The following TEC variants were observed in gnomAD, a reference collection of about 807,000 sequenced individuals.
The protein encoded by TEC is tec protein tyrosine kinase, also known as tyrosine-protein kinase Tec.
TEC carries 72 observed loss-of-function variants against 93.0 expected under a neutral mutation model. The ratio of observed to expected loss-of-function variants is 0.77; its 90% CI spans 0.64 to 0.94. The LOEUF (loss-of-function observed/expected upper bound fraction) is 0.94, where lower values mean the gene tolerates loss of function less well. TEC is among the 40% of genes least tolerant of loss of function. The pLI, the probability that TEC is intolerant of heterozygous loss-of-function variation, is 0.00. For synonymous variants in TEC, 249 were observed against 247.7 expected (o/e 1.01, Z -0.05); for missense variants, 630 against 757.9 (o/e 0.83, Z 1.98).
At chr4:48,245,167 T>C (rs1335929156) in intron 1 of TEC, among the ~76,000 whole-genome samples, 2 of 151,748 alleles carry the variant, frequency 1.3e-5, no homozygotes, top group Admixed American at 6.6e-5. Context: ...GTGGTGCGTG[T>C]CTGTAATCCC....
chr4:48,223,395 G>A (rs1723329023), intron 2 of TEC, among the ~76,000 whole-genome samples: 1 of 151,940 alleles, frequency 6.6e-6, no homozygotes, highest in Admixed American at 6.6e-5. Flanking sequence ...GGAATATCAA[G>A]ATTATTTCAA....
At chr4:48,251,077 A>G (rs1200085806) in intron 1 of TEC, among the ~76,000 whole-genome samples, 1 of 152,170 alleles carries the variant, frequency 6.6e-6, no homozygotes, top group Non-Finnish European at 1.5e-5. Context: ...AAAAACATAA[A>G]TCAGTCTATG....
At chr4:48,151,340 A>AT (rs1182012594) in intron 9 of TEC, among the ~76,000 whole-genome samples, 4 of 152,170 alleles carry the variant, frequency 2.6e-5, no homozygotes, top group East Asian at 3.8e-4. Flanking sequence ...CATTTCATAC[A>AT]TTTTTTGTAT....
chr4:48,179,618 A>G (rs1466762663), intron 2 of TEC, among the ~76,000 whole-genome samples: 2 of 151,588 alleles, frequency 1.3e-5, no homozygotes, highest in East Asian at 3.9e-4. Flanking sequence ...CAAACTCCTG[A>G]CCTCAGGTAA....
chr4:48,209,117 A>T (rs1479760864), intron 2 of TEC, among the ~76,000 whole-genome samples: 1 of 152,240 alleles, frequency 6.6e-6, no homozygotes, highest in Non-Finnish European at 1.5e-5. Flanking sequence ...CACACAGCTT[A>T]TAACTTTCTC....
At chr4:48,246,597 G>T (rs575270937) in intron 1 of TEC, among the ~76,000 whole-genome samples, 80 of 152,178 alleles carry the variant, frequency 5.3e-4, no homozygotes, top group African/African-American at 1.8e-3. Context: ...AGAATTAAGG[G>T]TCCAGAAATA....
chr4:48,138,741 G>A lies in TEC; in HGVS notation c.1736C>T (p.Thr579Ile), dbSNP rs1478808162. The A allele has an allele frequency of 1.9e-6, 3 of 1,614,164 alleles. No homozygotes were observed. Among genetic ancestry groups the A allele is most frequent in the Non-Finnish European group, 2.5e-6 (3 of 1,180,026 alleles). The change falls in exon 17 of 18, where the codon ACT (threonine) becomes ATT (isoleucine). Residue 579 changes from threonine (T) to isoleucine (I), a missense_variant. Transcript: ENST00000381501. Reference sequence around the variant, plus strand: ...CGGCTGGTAGAGTCGGTGGCCTCGAGTAACCATGGTTACCACTTCATAATT... The same window carrying A: ...CGGCTGGTAGAGTCGGTGGCCTCGAATAACCATGGTTACCACTTCATAATT... ...YTNYEVVTMVTRGHRLYQPKL... is the reference protein window; with the variant it reads ...YTNYEVVTMVIRGHRLYQPKL...
At chr4:48,193,005 G>A (rs1722144629) in intron 2 of TEC, among the ~76,000 whole-genome samples, 1 of 152,062 alleles carries the variant, frequency 6.6e-6, no homozygotes, top group African/African-American at 2.4e-5. Context: ...GCACCTAGCA[G>A]GTGCCCAATA....
At chr4:48,258,420 A>G (rs1460434258) in intron 1 of TEC, among the ~76,000 whole-genome samples, 1 of 152,138 alleles carries the variant, frequency 6.6e-6, no homozygotes, top group Non-Finnish European at 1.5e-5. Flanking sequence ...TGGGATAACA[A>G]GAGAGCCACT....
chr4:48,190,393 TC>T, intron 2 of TEC, among the ~76,000 whole-genome samples: 1 of 152,320 alleles, frequency 6.6e-6, no homozygotes, highest in South Asian at 2.1e-4. Context: ...AAAATGATCT[TC>T]CCAGGTTCAC....
chr4:48,168,041 CAGAATAAACT>C, intron 6 of TEC, 88 bp from the exon 7 acceptor site: 1 of 1,190,354 alleles, frequency 8.4e-7, no homozygotes, highest in Non-Finnish European at 1.2e-6. Flanking sequence ...TACATCACCA[CAGAATAAACT>C]AGAAACTTCA....
intron 2 of TEC, among the ~76,000 whole-genome samples, chr4:48,202,755 G>A (rs1029564422): frequency 1.3e-5 from 2 of 152,162 alleles, no homozygotes; most frequent in African/African-American, 4.8e-5. Flanking sequence ...GGAAACTGAG[G>A]AAGAAAGTGG....
At chr4:48,162,358 C>T (rs540055489) in intron 8 of TEC, among the ~76,000 whole-genome samples, 2 of 152,116 alleles carry the variant, frequency 1.3e-5, no homozygotes, top group African/African-American at 2.4e-5. Context: ...TTGAAACACT[C>T]GAGGCCATGA....
At chr4:48,257,455 CAA>C (rs60088458) in intron 1 of TEC, among the ~76,000 whole-genome samples, 83,192 of 151,682 alleles carry the variant, frequency 0.55, 23,030 homozygotes, top group East Asian at 0.68. Flanking sequence ...GAAAATATGA[CAA>C]AGAGAGGAGA....
At chr4:48,252,414 T>A (rs951037267) in intron 1 of TEC, among the ~76,000 whole-genome samples, 2 of 152,178 alleles carry the variant, frequency 1.3e-5, no homozygotes, top group African/African-American at 2.4e-5. Flanking sequence ...TTCAAGCATT[T>A]CAAGTTGTCC....
intron 2 of TEC, among the ~76,000 whole-genome samples, chr4:48,202,337 GAGC>G (rs1444408790): frequency 6.6e-6 from 1 of 152,064 alleles, no homozygotes; most frequent in Non-Finnish European, 1.5e-5. Flanking sequence ...AGGCTGAGGT[GAGC>G]AGATCACTTG....
intron 2 of TEC, among the ~76,000 whole-genome samples, chr4:48,180,695 G>C (rs889790446): frequency 6.6e-6 from 1 of 152,168 alleles, no homozygotes; most frequent in African/African-American, 2.4e-5. Flanking sequence ...TGCTTTAGGA[G>C]GCTTGTAGGG....
At chr4:48,195,263 G>A (rs1286037477) in intron 2 of TEC, among the ~76,000 whole-genome samples, 2 of 152,208 alleles carry the variant, frequency 1.3e-5, no homozygotes. Context: ...TGTTCAGTAA[G>A]TTGTAAATAT....
chr4:48,254,383 G>A (rs752895199), intron 1 of TEC, among the ~76,000 whole-genome samples: 56 of 152,240 alleles, frequency 3.7e-4, no homozygotes, highest in Non-Finnish European at 6.6e-4. Flanking sequence ...GTAGGCTACA[G>A]CAGAGAGAGC....
Sources: gnomAD v4.1 joint callset for allele counts (sites outside exome capture counted in the v4.1 genomes callset) on GRCh38, gnomAD v4.1.1 for gene constraint, MANE v1.5 for transcripts, NCBI Gene and HGNC (gene_info 2026-07-23, HGNC 2026-07-21) for gene names.